SNX29: variants seen among roughly 807,000 people sequenced by gnomAD.
SNX29 encodes sorting nexin-29.
SNX29 carries 78 observed loss-of-function variants against 102.1 expected under a neutral mutation model. The ratio of observed to expected loss-of-function variants is 0.76; its 90% CI spans 0.64 to 0.92. The LOEUF is 0.92. Among genes scored for constraint, SNX29 ranks in the 40% least tolerant of loss-of-function variants. The pLI, the probability that SNX29 is intolerant of heterozygous loss-of-function variation, is 0.00. For synonymous variants in SNX29, 580 were observed against 414.5 expected (o/e 1.40, Z -4.85); for missense variants, 1,280 against 1,061.7 (o/e 1.21, Z -2.86).
At chr16:12,518,720 C>T (rs2089975172) in intron 19 of SNX29, among the ~76,000 whole-genome samples, 1 of 152,200 alleles carries the variant, frequency 6.6e-6, no homozygotes, top group African/African-American at 2.4e-5. Flanking sequence ...CAGCACCTGT[C>T]ACAGGCCTGG....
chr16:12,161,251 C>T (rs2055772785), intron 13 of SNX29, among the ~76,000 whole-genome samples: 1 of 152,230 alleles, frequency 6.6e-6, no homozygotes, highest in Non-Finnish European at 1.5e-5. Flanking sequence ...GCGTTTTCCC[C>T]TCGGATTTTC....
rs2079144305 is a variant in SNX29 at position 12,569,672 on chromosome 16, C to G, written c.*1043C>G. 1 of 229,944 alleles carries G rather than the reference C, an allele frequency of 4.3e-6. No homozygotes were observed. The highest frequency in any genetic ancestry group is 8.6e-6 in the Non-Finnish European group (1 of 116,046). The allele number at this position is 229,944 out of a possible 1,614,324, so 14.2% of individuals were successfully genotyped here. A position where few individuals can be genotyped will look rare whatever the true frequency, so the allele number is the denominator to read the frequency against. On this transcript the variant is annotated 3_prime_UTR_variant, in exon 21 of 21. Coordinates refer to ENST00000566228, the MANE Select transcript of SNX29 (RefSeq NM_032167.5). ...TCTGTTCCTCCCATGTCAGGTGGCT[C>G]TCAGAGTACAGGGACCTTGGCAGGT...
At chr16:12,081,674 CAAAAAAAAAAAA>C (rs1196859241) in intron 11 of SNX29, 2 of 95,388 alleles carry the variant, frequency 2.1e-5, no homozygotes, top group Non-Finnish European at 4.0e-5. Flanking sequence ...CTCTTTGTCT[CAAAAAAAAAAAA>C]AAAAAAAAAG....
rs2054096928 is a variant in SNX29 at position 12,124,027 on chromosome 16, GA to G, written c.1403-2605del. 1.3e-5 allele frequency among the ~76,000 whole-genome samples: 2 copies of G among 152,190 alleles called. 1 individual carries two copies. Among genetic ancestry groups the G allele is most frequent in the South Asian group, 4.1e-4 (2 of 4,838 alleles). On this transcript the variant is annotated intron_variant, in intron 11 of 20. Coordinates refer to ENST00000566228, the MANE Select transcript of SNX29 (RefSeq NM_032167.5). Reference sequence around the variant, plus strand: ...TTGCTGGGATCTCAAACCGAAGTGTGAGGGACATGATATTCAAAGGTAGATC... The same window carrying G: ...TTGCTGGGATCTCAAACCGAAGTGTGGGGACATGATATTCAAAGGTAGATC...
At chr16:12,530,936 T>G (rs1318115011) in intron 20 of SNX29, among the ~76,000 whole-genome samples, 1 of 152,218 alleles carries the variant, frequency 6.6e-6, no homozygotes, top group Non-Finnish European at 1.5e-5. Flanking sequence ...CATAATTTAT[T>G]TCACCCTTGC....
chr16:12,059,676 TTG>T (rs544199968), intron 8 of SNX29, among the ~76,000 whole-genome samples: 146 of 152,174 alleles, frequency 9.6e-4, no homozygotes, highest in South Asian at 2.5e-3. Flanking sequence ...CAGTGAACAG[TTG>T]TTACATTTTT....
intron 13 of SNX29, among the ~76,000 whole-genome samples, chr16:12,135,384 C>T (rs977589828): frequency 1.3e-5 from 2 of 152,246 alleles, no homozygotes; most frequent in Admixed American, 1.3e-4. Flanking sequence ...CCCTCTGCCC[C>T]TACAGGGCTC....
intron 16 of SNX29, among the ~76,000 whole-genome samples, chr16:12,359,471 A>G (rs1243605664): frequency 1.3e-5 from 2 of 152,066 alleles, no homozygotes; most frequent in South Asian, 2.1e-4. Context: ...CCATTTTTCT[A>G]CTGCACAGTA....
chr16:12,524,904 TGGAAGGTCAGGGAGCACAGCGGC>T lies in SNX29; in HGVS notation c.2318+64_2318+86del, dbSNP rs2076737311. 3.1e-5 allele frequency: 49 copies of T among 1,591,194 alleles called. No individual in the cohort carries two copies. In the South Asian group the frequency reaches 5.5e-4, roughly 18 times the overall value. On this transcript the variant is annotated intron_variant, in intron 20 of 20. Transcript: ENST00000566228. ...GCCAGCATTTTTTTCTCGGTCGTTT[TGGAAGGTCAGGGAGCACAGCGGC>T]TCTCCGTGATGCCCTGATCGCCATG...
chr16:12,413,088 T>C (rs1036733089), intron 18 of SNX29, among the ~76,000 whole-genome samples: 3 of 152,226 alleles, frequency 2.0e-5, no homozygotes, highest in South Asian at 2.1e-4. Flanking sequence ...TGTTTTGTTT[T>C]GTTTCTGTTC....
chr16:12,570,723 C>CTTGT lies in SNX29; in HGVS notation c.*2095_*2096insTGTT, dbSNP rs567982897. On this transcript the variant is annotated 3_prime_UTR_variant, in exon 21 of 21. Coordinates refer to ENST00000566228, the MANE Select transcript of SNX29 (RefSeq NM_032167.5). The stretch of plus-strand genomic sequence containing the variant: ...CCCAAAGCACAGGATGTGAATTGGT[C>CTTGT]TCTCTCCAGATACCCCACGAGGAAG... The CTTGT allele has an allele frequency of 4.6e-4, 108 of 232,326 alleles. 1 individual carries two copies. Among genetic ancestry groups the CTTGT allele is most frequent in the African/African-American group, 2.1e-3 (96 of 45,402 alleles). The allele number at this position is 232,326 out of a possible 1,614,324, so 14.4% of individuals were successfully genotyped here. A position where few individuals can be genotyped will look rare whatever the true frequency, so the allele number is the denominator to read the frequency against.
At chr16:12,333,248 G>A (rs2081349046) in intron 15 of SNX29, among the ~76,000 whole-genome samples, 1 of 151,722 alleles carries the variant, frequency 6.6e-6, no homozygotes, top group Non-Finnish European at 1.5e-5. Flanking sequence ...TGGGACTACA[G>A]GTGCGTGCCA....
intron 20 of SNX29, among the ~76,000 whole-genome samples, chr16:12,547,808 C>A (rs749816207): frequency 6.6e-6 from 1 of 152,178 alleles, no homozygotes; most frequent in African/African-American, 2.4e-5. Context: ...CTCAAGAATG[C>A]TCTGCAGGGA....
chr16:12,321,018 C>T (rs1482302723), intron 15 of SNX29, among the ~76,000 whole-genome samples: 1 of 152,156 alleles, frequency 6.6e-6, no homozygotes, highest in African/African-American at 2.4e-5. Flanking sequence ...TGAGCACAAC[C>T]TGTTGAAGAA....
intron 1 of SNX29, among the ~76,000 whole-genome samples, chr16:11,994,743 T>G (rs1263177780): frequency 6.6e-6 from 1 of 152,192 alleles, no homozygotes; most frequent in Non-Finnish European, 1.5e-5. Flanking sequence ...GCTGGCAGAT[T>G]CTTCTGGGCC....
chr16:12,062,377 AAAATAAAT>A (rs34207508), intron 9 of SNX29, among the ~76,000 whole-genome samples: 1,558 of 137,692 alleles, frequency 0.011, 18 homozygotes, highest in African/African-American at 0.026. Flanking sequence ...ACTCTGTCTC[AAAATAAAT>A]AAATAAATAA....
intron 13 of SNX29, 48 bp from the exon 14 acceptor site, chr16:12,199,553 A>T: frequency 1.3e-6 from 2 of 1,537,034 alleles, no homozygotes; most frequent in Non-Finnish European, 1.8e-6. Context: ...GTGGGTCCAC[A>T]TTGTCACTTT....
intron 19 of SNX29, among the ~76,000 whole-genome samples, chr16:12,489,774 C>T (rs551809389): frequency 8.5e-5 from 13 of 152,252 alleles, no homozygotes; most frequent in South Asian, 2.1e-4. Context: ...CTTCCTCCCC[C>T]GTTCACTTCT....
chr16:12,136,495 G>C (rs2054665887), intron 13 of SNX29, among the ~76,000 whole-genome samples: 1 of 152,204 alleles, frequency 6.6e-6, no homozygotes, highest in Admixed American at 6.5e-5. Flanking sequence ...TTTTCTTGCA[G>C]TAGCTGGGAA....
Sources: allele counts gnomAD v4.1 joint callset (sites outside exome capture counted in the v4.1 genomes callset), GRCh38; gene constraint gnomAD v4.1.1; transcripts MANE v1.5; gene names NCBI Gene and HGNC (gene_info 2026-07-23, HGNC 2026-07-21).